The following FAM13B variants were observed in gnomAD, a reference collection of about 807,000 sequenced individuals.
FAM13B encodes protein FAM13B.
In FAM13B, 60 loss-of-function variants were observed where a neutral mutation model predicts 117.3. The observed-to-expected ratio is 0.51, with a 90% CI of 0.42 to 0.63. FAM13B has a LOEUF of 0.63. Among genes scored for constraint, FAM13B ranks in the 30% least tolerant of loss-of-function variants. FAM13B has a pLI of 0.00. For missense variants in FAM13B, 972 were observed against 1,091.9 expected (o/e 0.89, Z 1.55); for synonymous variants, 332 against 356.1 (o/e 0.93, Z 0.76).
At chr5:137,954,970 G>A (rs1766092243) in intron 14 of FAM13B, among the ~76,000 whole-genome samples, 1 of 152,090 alleles carries the variant, frequency 6.6e-6, no homozygotes, top group Non-Finnish European at 1.5e-5. Flanking sequence ...CAGTGGCAAA[G>A]CAAGAAAGGA....
intron 9 of FAM13B, 106 bp from the exon 10 acceptor site, chr5:137,985,495 A>C (rs1470617291): frequency 1.8e-6 from 2 of 1,132,430 alleles, no homozygotes; most frequent in Middle Eastern, 4.5e-4. Context: ...TTACTTGTTA[A>C]AGAAAATGTG....
At chr5:137,988,847 A>G (rs1316345437) in intron 7 of FAM13B, among the ~76,000 whole-genome samples, 3 of 152,196 alleles carry the variant, frequency 2.0e-5, no homozygotes, top group Non-Finnish European at 4.4e-5. Flanking sequence ...TAAAGAAACT[A>G]TTTTTCACAC....
In FAM13B at chr5:137,939,737, A is replaced by G. The variant is rs1761094514; in HGVS notation, c.*488T>C. On this transcript the variant is annotated 3_prime_UTR_variant, in exon 24 of 24. Transcript: ENST00000689681. Reference sequence around the variant, plus strand: ...CTCAGTTTGATTTTGGTTTTCTAGGAAAACAGAGAACACAGTTGCGTATGT... The same window carrying G: ...CTCAGTTTGATTTTGGTTTTCTAGGGAAACAGAGAACACAGTTGCGTATGT... The G allele has an allele frequency of 1.9e-6, 1 of 513,994 alleles. No homozygotes were observed. The highest frequency in any genetic ancestry group is 2.6e-6 in the Non-Finnish European group (1 of 385,438). 31.8% of individuals were successfully genotyped at this position (513,994 alleles called of 1,614,324 possible). A position where few individuals can be genotyped will look rare whatever the true frequency, so the allele number is the denominator to read the frequency against.
At chr5:137,957,111 AG>A (rs1766789621) in intron 13 of FAM13B, among the ~76,000 whole-genome samples, 1 of 152,238 alleles carries the variant, frequency 6.6e-6, no homozygotes, top group Admixed American at 6.5e-5. Context: ...ACTTAGGAAT[AG>A]TGACATAGGG....
At chr5:138,007,229 T>A in intron 6 of FAM13B, 82 bp from the exon 7 acceptor site, 1 of 1,104,804 alleles carries the variant, frequency 9.1e-7, no homozygotes, top group Non-Finnish European at 1.2e-6. Flanking sequence ...ATGAAAATTT[T>A]AAACACAAAC....
intron 10 of FAM13B, among the ~76,000 whole-genome samples, chr5:137,979,037 G>A (rs1466751762): frequency 2.0e-5 from 3 of 147,584 alleles, no homozygotes; most frequent in Non-Finnish European, 3.0e-5. Context: ...TTTTGAGACA[G>A]GGTCTTACTC....
chr5:138,024,570 A>C (rs1283741161), intron 1 of FAM13B, among the ~76,000 whole-genome samples: 1 of 101,588 alleles, frequency 9.8e-6, no homozygotes, highest in Non-Finnish European at 2.0e-5. Context: ...AAACTACAAT[A>C]TTACATTCTA....
At chr5:137,971,575 T>A (rs1772164700) in intron 10 of FAM13B, among the ~76,000 whole-genome samples, 1 of 150,736 alleles carries the variant, frequency 6.6e-6, no homozygotes, top group African/African-American at 2.4e-5. Context: ...AGCAAACACA[T>A]TCAAAAGCTA....
chr5:138,025,775 C>T lies in FAM13B; in HGVS notation c.-202-4578G>A, dbSNP rs144603374. ...ACATTCTTCAAAGAAACTGAAAAAG[C>T]AACCGTAAATTTTGTACAAAAGCAT... On this transcript the variant is annotated intron_variant, in intron 1 of 23. Coordinates refer to ENST00000689681, the MANE Select transcript of FAM13B (RefSeq NM_001385994.1). 7.3e-4 allele frequency among the ~76,000 whole-genome samples: 111 copies of T among 152,218 alleles called. 1 individual carries two copies. The East Asian group carries it at 0.019, about 26-fold the overall frequency.
At chr5:138,044,943 A>G (rs1024460751) in intron 1 of FAM13B, among the ~76,000 whole-genome samples, 2 of 152,236 alleles carry the variant, frequency 1.3e-5, no homozygotes, top group Non-Finnish European at 2.9e-5. Context: ...TACATCCACC[A>G]TAATAAACTC....
intron 10 of FAM13B, among the ~76,000 whole-genome samples, chr5:137,963,657 C>T (rs146829132): frequency 6.6e-5 from 10 of 152,266 alleles, no homozygotes; most frequent in African/African-American, 2.4e-4. Flanking sequence ...ACCCCTGGAC[C>T]GGTACCGATC....
chr5:138,008,714 T>A (rs1036013560), intron 6 of FAM13B, among the ~76,000 whole-genome samples: 1 of 152,240 alleles, frequency 6.6e-6, no homozygotes, highest in Non-Finnish European at 1.5e-5. Context: ...ATAGCATAGA[T>A]CCTAGCTTCT....
chr5:137,979,913 G>A (rs1199872836), intron 10 of FAM13B, among the ~76,000 whole-genome samples: 1 of 150,538 alleles, frequency 6.6e-6, no homozygotes, highest in Non-Finnish European at 1.5e-5. Flanking sequence ...TATAATCCCA[G>A]CACTTTGGGA....
Position 137,962,433 on chromosome 5 carries a change from C to T in FAM13B, c.1216G>A (p.Gly406Ser). The change falls in exon 11 of 24, where the codon GGT becomes AGT. Residue 406 changes from glycine (G) to serine (S), a missense_variant. Transcript: ENST00000689681. ...GILLEPCSDR[G>S]DSEDGCLERE... ...TCAAGACAGCCATCTTCACTATCAC[C>T]ACGGTCACTGCATGGCTCTAACAAT... 3 of 1,613,776 alleles carry T rather than the reference C, an allele frequency of 1.9e-6. No homozygotes were observed. The highest frequency in any genetic ancestry group is 2.5e-6 in the Non-Finnish European group (3 of 1,179,816).
In FAM13B at chr5:137,940,309, C is replaced by T. The variant is rs1368057199; in HGVS notation, c.2730G>A (p.Glu910=). 3 of 1,609,024 alleles carry T rather than the reference C, an allele frequency of 1.9e-6. No homozygotes were observed. Among genetic ancestry groups the T allele is most frequent in the African/African-American group, 1.3e-5 (1 of 74,792 alleles). ...QKEDRVPVLE[E]YREYKKIKAK... ...CTTTAATTTTCTTGTACTCTCTGTA[C>T]TCCTCAAGCACTGGAACACGATCCT... Residue 910 remains glutamate, a synonymous_variant, in exon 24 of 24, where the codon GAG becomes GAA. Coordinates refer to ENST00000689681, the MANE Select transcript of FAM13B (RefSeq NM_001385994.1).
intron 1 of FAM13B, 141 bp downstream of exon 1, chr5:138,032,641 T>C (rs971121109): frequency 8.6e-6 from 7 of 818,272 alleles, no homozygotes; most frequent in Non-Finnish European, 1.0e-5. Flanking sequence ...CCCCACCTGC[T>C]AGAGTCCTCC....
At chr5:137,950,354 G>T (rs1764610796) in intron 17 of FAM13B, among the ~76,000 whole-genome samples, 1 of 152,174 alleles carries the variant, frequency 6.6e-6, no homozygotes, top group Non-Finnish European at 1.5e-5. Context: ...TCTGTCCCCA[G>T]TGAGGCAATA....
At chr5:138,026,863 C>T (rs1039861598) in intron 1 of FAM13B, among the ~76,000 whole-genome samples, 13 of 150,984 alleles carry the variant, frequency 8.6e-5, no homozygotes, top group Admixed American at 7.9e-4. Flanking sequence ...CGCTTGAACC[C>T]GGGAGGCGGA....
chr5:137,951,480 G>A (rs185762691), intron 17 of FAM13B, among the ~76,000 whole-genome samples: 1 of 151,980 alleles, frequency 6.6e-6, no homozygotes, highest in Non-Finnish European at 1.5e-5. Context: ...CACAAAGCAA[G>A]ACCCCAACTC....
Sources: allele counts gnomAD v4.1 joint callset (sites outside exome capture counted in the v4.1 genomes callset), GRCh38; gene constraint gnomAD v4.1.1; transcripts MANE v1.5; gene names NCBI Gene and HGNC (gene_info 2026-07-23, HGNC 2026-07-21).